The following APBB1 variants were observed in gnomAD, a reference collection of about 807,000 sequenced individuals.
The protein encoded by APBB1 is amyloid beta precursor protein binding family B member 1, also known as adaptor protein FE65a2.
A neutral mutation model predicts 78.4 loss-of-function variants in APBB1; 22 were observed. The observed-to-expected ratio is 0.28, with a 90% CI of 0.20 to 0.40. APBB1 has a LOEUF of 0.40. Among genes scored for constraint, APBB1 ranks in the 10% least tolerant of loss-of-function variants. The probability of loss-of-function intolerance (pLI) is 1.00; values close to 1 mark genes in which losing one functional copy is unlikely to be tolerated. For synonymous variants in APBB1, 369 were observed against 372.7 expected (o/e 0.99, Z 0.12); for missense variants, 749 against 932.4 (o/e 0.80, Z 2.56).
Position 6,401,647 on chromosome 11 carries a change from A to G in APBB1, c.1430T>C (p.Leu477Pro), listed in dbSNP as rs766998007. 6.2e-7 allele frequency: 1 copy of G among 1,614,024 alleles called. No homozygotes were observed. Among genetic ancestry groups the G allele is most frequent in the Non-Finnish European group, 8.5e-7 (1 of 1,180,024 alleles). ...YVARDKLTQM[L>P]KCHVFRCEAP... is the part of the protein sequence containing the mutation. ...CTCACAGCGAAACACGTGGCACTTG[A>G]GCATCTGGGTCAGCTTATCACGAGC... The change falls in exon 10 of 15, where the codon CTC (leucine) becomes CCC (proline). Residue 477 changes from leucine (L) to proline (P), a missense_variant. Leu to Pro is a moderately conservative substitution (Grantham distance 98). Around this residue, in one of 3 missense-constraint regions of APBB1, gnomAD observed 635 missense variants for 765.0 expected, o/e 0.83. Coordinates refer to ENST00000609360, the MANE Select transcript of APBB1 (RefSeq NM_001164.5). The surrounding 1 kb of genome is among the most constrained non-coding windows in gnomAD (Gnocchi z 4.5).
In APBB1 at chr11:6,401,695, G is replaced by C. The variant is rs1393860641; in HGVS notation, c.1389-7C>G. On this transcript the variant is annotated splice_region_variant and splice_polypyrimidine_tract_variant and intron_variant, in intron 9 of 14. Transcript: ENST00000609360. The surrounding 1 kb of genome is among the most constrained non-coding windows in gnomAD (Gnocchi z 4.5). ...AGCTACGTAGGCAAAGTCCCTGTTG[G>C]GGAAGGGGCACCTCAGTGTCTCCCA... 2 of 1,613,960 alleles carry C rather than the reference G, an allele frequency of 1.2e-6. No homozygotes were observed. The highest frequency in any genetic ancestry group is 1.3e-5 in the African/African-American group (1 of 74,934).
Position 6,395,427 on chromosome 11 carries a change from T to G in APBB1, c.*107A>C. 7.9e-7 allele frequency: 1 copy of G among 1,263,512 alleles called. No individual in the cohort carries two copies. The highest frequency in any genetic ancestry group is 1.1e-6 in the Non-Finnish European group (1 of 951,306). The allele number at this position is 1,263,512 out of a possible 1,614,324, so 78.3% of individuals were successfully genotyped here. A position where few individuals can be genotyped will look rare whatever the true frequency, so the allele number is the denominator to read the frequency against. On this transcript the variant is annotated 3_prime_UTR_variant, in exon 15 of 15. Coordinates refer to ENST00000609360, the MANE Select transcript of APBB1 (RefSeq NM_001164.5). The surrounding 1 kb of genome is among the most constrained non-coding windows in gnomAD (Gnocchi z 5.2). ...ACCGTAGCTACTGGGGAGGGGCATA[T>G]TTGGGAGGCCTGAGGCCTAGGAATA... is the stretch of plus-strand genomic sequence containing the variant.
At chr11:6,416,582 T>A (rs1849121525) in intron 1 of APBB1, among the ~76,000 whole-genome samples, 1 of 152,176 alleles carries the variant, frequency 6.6e-6, no homozygotes, top group African/African-American at 2.4e-5. Context: ...TCCTATTCTG[T>A]GAATCTGAAG....
intron 12 of APBB1, among the ~76,000 whole-genome samples, chr11:6,396,871 T>C (rs1240261125): frequency 2.0e-5 from 3 of 152,228 alleles, no homozygotes; most frequent in Admixed American, 6.5e-5. Flanking sequence ...CTCTTCTCTA[T>C]ATTACTAGTT....
chr11:6,410,747 C>G lies in APBB1; in HGVS notation c.601G>C (p.Glu201Gln). The change falls in exon 2 of 15, where the codon GAA becomes CAA. Residue 201 changes from glutamate to glutamine, a missense_variant. Physicochemically the swap from Glu to Gln is conservative, Grantham distance 29. Coordinates refer to ENST00000609360, the MANE Select transcript of APBB1 (RefSeq NM_001164.5). ...RPQALTDGPR[E>Q]HSKSASLLFG... is the part of the protein sequence containing the mutation. ...AGGAGGCTGGCACTCTTGCTGTGTT[C>G]CCGGGGGCCATCTGTAAGGGCTTGG... 3 of 1,579,054 alleles carry G rather than the reference C, an allele frequency of 1.9e-6. No homozygotes were observed. The highest frequency in any genetic ancestry group is 1.2e-5 in the South Asian group (1 of 84,690).
intron 2 of APBB1, among the ~76,000 whole-genome samples, chr11:6,407,399 T>A (rs1334028432): frequency 6.6e-6 from 1 of 152,148 alleles, no homozygotes; most frequent in Admixed American, 6.5e-5. Context: ...ACAGTGACCA[T>A]CCCAGGGGCA....
chr11:6,417,655 T>C (rs981194429), intron 1 of APBB1, among the ~76,000 whole-genome samples: 2 of 152,030 alleles, frequency 1.3e-5, no homozygotes, highest in African/African-American at 4.8e-5. Flanking sequence ...GGAAAAAAAA[T>C]GGTGGTGGCC....
At chr11:6,398,748 C>T (rs1262000252) in intron 12 of APBB1, among the ~76,000 whole-genome samples, 2 of 152,240 alleles carry the variant, frequency 1.3e-5, no homozygotes, top group Non-Finnish European at 2.9e-5. Context: ...ACCCACTCCA[C>T]TCTGCAAATC....
intron 2 of APBB1, chr11:6,404,038 T>C (rs943366238): frequency 6.4e-6 from 3 of 466,648 alleles, no homozygotes; most frequent in South Asian, 1.2e-4. Flanking sequence ...CTGGGCCCTG[T>C]TGGTGGCTAA....
In APBB1 at chr11:6,402,576, T is replaced by G. The variant is rs1848580085; in HGVS notation, c.1254A>C (p.Glu418Asp). Residue 418 changes from glutamate (E) to aspartate (D), a missense_variant and splice_region_variant, in exon 7 of 15, where the codon GAA becomes GAC. Around this residue, in one of 3 missense-constraint regions of APBB1, gnomAD observed 635 missense variants for 765.0 expected, o/e 0.83. Transcript: ENST00000609360. Reference protein sequence around the residue: ...LHDPMSGGWGEGKDLLLQLED... With the variant: ...LHDPMSGGWGDGKDLLLQLED... ...CCCTACCCCCGGCTCAGGTCCTTAC[T>G]TCCCCCCAGCCCCCAGACATGGGGT... is the stretch of plus-strand genomic sequence containing the variant. 6.2e-7 allele frequency: 1 copy of G among 1,613,762 alleles called. No homozygotes were observed. Among genetic ancestry groups the G allele is most frequent in the Admixed American group, 1.7e-5 (1 of 59,992 alleles).
chr11:6,399,287 C>G (rs548767939), intron 12 of APBB1, among the ~76,000 whole-genome samples: 130 of 152,324 alleles, frequency 8.5e-4, no homozygotes, highest in Admixed American at 1.2e-3. Flanking sequence ...ATCTGTGAAT[C>G]TAACTGCCAA....
In APBB1 at chr11:6,395,469, C is replaced by A; in HGVS notation, c.*65G>T. Reference sequence around the variant, plus strand: ...CTAGGAATAGCCTCTAGACCCCTCCCTGACCCACACCCTTTAGTTCCCTGG... The same window carrying A: ...CTAGGAATAGCCTCTAGACCCCTCCATGACCCACACCCTTTAGTTCCCTGG... On this transcript the variant is annotated 3_prime_UTR_variant, in exon 15 of 15. Transcript: ENST00000609360. This position sits in a 1 kb window ranked among gnomAD's most constrained non-coding sequence, Gnocchi z 5.2. 5 of 1,468,816 alleles carry A rather than the reference C, an allele frequency of 3.4e-6. No homozygotes were observed. Among genetic ancestry groups the A allele is most frequent in the African/African-American group, 1.4e-5 (1 of 71,256 alleles). The allele number at this position is 1,468,816 out of a possible 1,614,324, so 91.0% of individuals were successfully genotyped here.
intron 2 of APBB1, chr11:6,405,097 C>G (rs1181087304): frequency 1.5e-6 from 2 of 1,360,990 alleles, no homozygotes; most frequent in Non-Finnish European, 9.5e-7. Flanking sequence ...TCCCCTCCCC[C>G]AATCCTGAAT....
chr11:6,402,829 G>C, intron 6 of APBB1, 104 bp from the exon 7 acceptor site: 3 of 1,424,034 alleles, frequency 2.1e-6, no homozygotes, highest in Non-Finnish European at 2.9e-6. Context: ...GAACTAAGAC[G>C]GAGAAGCTCC....
Position 6,401,563 on chromosome 11 carries a change from G to T in APBB1, c.1503+11C>A. On this transcript the variant is annotated intron_variant, in intron 10 of 14. Coordinates refer to ENST00000609360, the MANE Select transcript of APBB1 (RefSeq NM_001164.5). This position sits in a 1 kb window ranked among gnomAD's most constrained non-coding sequence, Gnocchi z 4.5. ...GGTGGCAACTAGTCCAGGGAGTGGA[G>T]GGGGCCGTGCCTTAGAGCAGATCTC... 1 of 1,614,196 alleles carries T rather than the reference G, an allele frequency of 6.2e-7. No homozygotes were observed. The highest frequency in any genetic ancestry group is 1.1e-5 in the South Asian group (1 of 91,048).
intron 2 of APBB1, among the ~76,000 whole-genome samples, chr11:6,408,167 A>G (rs952390391): frequency 1.3e-5 from 2 of 152,248 alleles, no homozygotes; most frequent in Non-Finnish European, 2.9e-5. Context: ...AAGGCTCTAG[A>G]ACTAACTACC....
intron 6 of APBB1, 185 bp from the exon 7 acceptor site, chr11:6,402,910 A>G: frequency 1.2e-6 from 1 of 808,236 alleles, no homozygotes; most frequent in Non-Finnish European, 1.9e-6. Flanking sequence ...GACCCCAGCT[A>G]GTACAAAAAA....
At chr11:6,397,872 C>G in intron 12 of APBB1, among the ~76,000 whole-genome samples, 1 of 152,228 alleles carries the variant, frequency 6.6e-6, no homozygotes, top group Non-Finnish European at 1.5e-5. Context: ...TGCACCCGAA[C>G]TGGTAAAACC....
chr11:6,418,090 A>G (rs1285168853), intron 1 of APBB1, among the ~76,000 whole-genome samples: 1 of 152,252 alleles, frequency 6.6e-6, no homozygotes, highest in Admixed American at 6.5e-5. Flanking sequence ...GAGAGAAGAC[A>G]GCTCGGGACA....
Sources: gnomAD v4.1 joint callset for allele counts (sites outside exome capture counted in the v4.1 genomes callset) on GRCh38, gnomAD v4.1.1 for gene constraint, gnomAD v4.1.1 regional missense constraint, Gnocchi (gnomAD v3.1) non-coding constraint, MANE v1.5 for transcripts, NCBI Gene and HGNC (gene_info 2026-07-23, HGNC 2026-07-21) for gene names.